RGS7: variants seen among roughly 807,000 people sequenced by gnomAD.
The protein encoded by RGS7 is regulator of G-protein signaling 7.
In RGS7, 27 loss-of-function variants were observed where a neutral mutation model predicts 81.1. The observed-to-expected ratio is 0.33, with a 90% CI of 0.25 to 0.46. RGS7 has a LOEUF of 0.46. RGS7 is among the 20% of genes least tolerant of loss of function. The pLI is 1.00. For synonymous variants in RGS7, 208 were observed against 207.7 expected, an observed-to-expected ratio of 1.00 and a Z score of -0.01; for missense variants, 396 against 607.4, an observed-to-expected ratio of 0.65 and a Z score of 3.66.
Position 241,035,037 on chromosome 1 carries a change from G to A in RGS7, c.176-51908C>T, listed in dbSNP as rs865923371. ...AAAAGAGAAAGCACTGAACAGGAGAGATTGTGAAGGTTTTTTCATGCTGTG... is the reference window on the plus strand; with the variant it reads ...AAAAGAGAAAGCACTGAACAGGAGAAATTGTGAAGGTTTTTTCATGCTGTG... On this transcript the variant is annotated intron_variant, in intron 3 of 18. Coordinates refer to ENST00000440928, the MANE Select transcript of RGS7 (RefSeq NM_001364886.1). 3.3e-5 allele frequency among the ~76,000 whole-genome samples: 5 copies of A among 152,240 alleles called. No individual in the cohort carries two copies. In the South Asian group the frequency reaches 6.2e-4, roughly 19 times the overall value.
chr1:241,013,479 A>AG (rs747906815), intron 3 of RGS7, among the ~76,000 whole-genome samples: 2 of 152,188 alleles, frequency 1.3e-5, no homozygotes, highest in African/African-American at 2.4e-5. Context: ...AAGGTGTCCC[A>AG]GCTAAGAACT....
chr1:241,119,773 T>G (rs57374485), intron 2 of RGS7, among the ~76,000 whole-genome samples: 15,686 of 152,168 alleles, frequency 0.1, 1,239 homozygotes, highest in East Asian at 0.28. Flanking sequence ...CACTCACAAG[T>G]TTGTTATTGG....
At chr1:240,977,608 C>G (rs901346737) in intron 4 of RGS7, among the ~76,000 whole-genome samples, 1 of 152,236 alleles carries the variant, frequency 6.6e-6, no homozygotes, top group African/African-American at 2.4e-5. Context: ...GTCTGAAAGT[C>G]TAACCAATAT....
chr1:240,864,848 G>T lies in RGS7; in HGVS notation c.609+3739C>A, dbSNP rs527718027. 2.0e-5 allele frequency among the ~76,000 whole-genome samples: 3 copies of T among 152,258 alleles called. No individual in the cohort carries two copies. In the East Asian group the frequency reaches 5.8e-4, roughly 29 times the overall value. ...TTATTCTGGTTGGGACCTCAGAACTGAAGACAAAGGTTGTGATGCTCCTTG... is the reference window on the plus strand; with the variant it reads ...TTATTCTGGTTGGGACCTCAGAACTTAAGACAAAGGTTGTGATGCTCCTTG... On this transcript the variant is annotated intron_variant, in intron 9 of 18. Transcript: ENST00000440928.
chr1:241,067,522 A>AG lies in RGS7; in HGVS notation c.175+31143dup, dbSNP rs1470634849. On this transcript the variant is annotated intron_variant, in intron 3 of 18. Coordinates refer to ENST00000440928, the MANE Select transcript of RGS7 (RefSeq NM_001364886.1). Reference sequence around the variant, plus strand: ...AAATACAGAAACCTACTGAATAATGAGATTTTTTTTTTTTTGAGATGGAGT... The same window carrying AG: ...AAATACAGAAACCTACTGAATAATGAGGATTTTTTTTTTTTTGAGATGGAGT... Among the ~76,000 whole-genome samples, 17 of 46,454 alleles carry AG rather than the reference A, an allele frequency of 3.7e-4. No homozygotes were observed. In the Admixed American group the frequency reaches 5.0e-3, roughly 14 times the overall value. 30.5% of individuals were successfully genotyped at this position (46,454 alleles called of 152,430 possible). A position where few individuals can be genotyped will look rare whatever the true frequency, so the allele number is the denominator to read the frequency against.
intron 3 of RGS7, among the ~76,000 whole-genome samples, chr1:241,036,153 C>T (rs992363230): frequency 6.6e-6 from 1 of 152,142 alleles, no homozygotes; most frequent in Non-Finnish European, 1.5e-5. Context: ...TTTTGGAATA[C>T]AAACATGACA....
intron 2 of RGS7, among the ~76,000 whole-genome samples, chr1:241,123,929 G>A (rs1169522095): frequency 6.6e-6 from 1 of 152,200 alleles, no homozygotes; most frequent in Admixed American, 6.5e-5. Flanking sequence ...AGAAGCAGGA[G>A]AATGTGTTCC....
intron 3 of RGS7, among the ~76,000 whole-genome samples, chr1:241,029,868 T>C (rs1448876630): frequency 2.0e-5 from 3 of 152,208 alleles, no homozygotes; most frequent in Non-Finnish European, 4.4e-5. Context: ...TCATTTCTCT[T>C]CTTATTTCAT....
At chr1:240,959,794 T>C (rs1187335819) in intron 4 of RGS7, among the ~76,000 whole-genome samples, 1 of 152,192 alleles carries the variant, frequency 6.6e-6, no homozygotes, top group African/African-American at 2.4e-5. Context: ...AGTGAGAGCA[T>C]AAACATTATT....
At chr1:241,103,157 ATG>A (rs796673450) in intron 2 of RGS7, among the ~76,000 whole-genome samples, 4 of 149,958 alleles carry the variant, frequency 2.7e-5, no homozygotes, top group African/African-American at 1.0e-4. Flanking sequence ...ATATATATGT[ATG>A]TGTGTGTATA....
intron 3 of RGS7, among the ~76,000 whole-genome samples, chr1:241,026,880 T>A (rs1357463878): frequency 3.3e-5 from 5 of 151,890 alleles, no homozygotes; most frequent in Non-Finnish European, 7.4e-5. Context: ...TCATAAGACA[T>A]CCATGATGTC....
intron 2 of RGS7, among the ~76,000 whole-genome samples, chr1:241,100,398 T>A (rs1178480713): frequency 3.0e-5 from 4 of 131,620 alleles, no homozygotes; most frequent in African/African-American, 9.3e-5. Flanking sequence ...AAAAAAAAAA[T>A]TTCCATCAAC....
chr1:241,218,051 G>A (rs2074677808), intron 2 of RGS7, among the ~76,000 whole-genome samples: 2 of 152,172 alleles, frequency 1.3e-5, no homozygotes, highest in South Asian at 4.1e-4. Flanking sequence ...CTGTGTTCAT[G>A]TGTGTGCATG....
At chr1:241,316,177 G>A (rs540426272) in intron 2 of RGS7, among the ~76,000 whole-genome samples, 2 of 146,632 alleles carry the variant, frequency 1.4e-5, no homozygotes, top group South Asian at 4.2e-4. Flanking sequence ...TCTACCTAGA[G>A]ATAGTGTTTC....
intron 2 of RGS7, among the ~76,000 whole-genome samples, chr1:241,111,276 T>C (rs1160501428): frequency 2.6e-5 from 4 of 152,200 alleles, no homozygotes; most frequent in East Asian, 1.9e-4. Flanking sequence ...TCTTGCCTCA[T>C]TCAAGCTCAA....
chr1:240,931,644 CAA>C (rs949703074), intron 5 of RGS7, among the ~76,000 whole-genome samples: 12 of 151,928 alleles, frequency 7.9e-5, no homozygotes, highest in African/African-American at 2.7e-4. Context: ...CATTTCCTTA[CAA>C]AGACACTTGT....
chr1:241,074,801 A>C (rs2062695262), intron 3 of RGS7, among the ~76,000 whole-genome samples: 1 of 152,192 alleles, frequency 6.6e-6, no homozygotes, highest in South Asian at 2.1e-4. Flanking sequence ...TGCCAGGAAA[A>C]GGGGAGAAGG....
chr1:241,309,571 AC>A lies in RGS7; in HGVS notation c.78+46127del, dbSNP rs966236965. On this transcript the variant is annotated intron_variant, in intron 2 of 18. Coordinates refer to ENST00000440928, the MANE Select transcript of RGS7 (RefSeq NM_001364886.1). The stretch of plus-strand genomic sequence containing the variant: ...CTGGTGTTAAGATTCCAGGCATCTG[AC>A]ATTTGCCACTCGACAGGAAAGATAT... 2.0e-5 allele frequency among the ~76,000 whole-genome samples: 3 copies of A among 152,168 alleles called. No homozygotes were observed. In the East Asian group the frequency reaches 5.8e-4, roughly 29 times the overall value.
chr1:241,043,065 T>C (rs1366916010), intron 3 of RGS7, among the ~76,000 whole-genome samples: 2 of 152,152 alleles, frequency 1.3e-5, no homozygotes, highest in Non-Finnish European at 2.9e-5. Flanking sequence ...CCAATAGATA[T>C]TGTGAATAAT....
Sources: gnomAD v4.1 joint callset for allele counts (sites outside exome capture counted in the v4.1 genomes callset) on GRCh38, gnomAD v4.1.1 for gene constraint, MANE v1.5 for transcripts, NCBI Gene and HGNC (gene_info 2026-07-23, HGNC 2026-07-21) for gene names.